NUGGC: variants seen among roughly 807,000 people sequenced by gnomAD.
NUGGC encodes the protein nuclear GTPase SLIP-GC.
Under a neutral mutation model 92.6 loss-of-function variants are expected in NUGGC, and 58 were observed. That is an observed-to-expected ratio of 0.63 (90% CI 0.51 to 0.78). The LOEUF (loss-of-function observed/expected upper bound fraction) is 0.78, where lower values mean the gene tolerates loss of function less well. Ranked by LOEUF, NUGGC falls within the 30% of genes least tolerant of loss-of-function variation. The pLI, the probability that NUGGC is intolerant of heterozygous loss-of-function variation, is 0.00. For synonymous variants in NUGGC, 376 were observed against 366.4 expected (o/e 1.03, Z -0.30); for missense variants, 925 against 964.6 (o/e 0.96, Z 0.54).
intron 18 of NUGGC, 40 bp from the exon 19 acceptor site, chr8:28,023,502 C>T (rs374865704): frequency 1.2e-4 from 187 of 1,582,894 alleles, no homozygotes; most frequent in African/African-American, 1.6e-4. Flanking sequence ...ACTTGGTGTC[C>T]GTTGCAGAAA....
chr8:28,043,082 T>C (rs1014591289), intron 12 of NUGGC, among the ~76,000 whole-genome samples: 1 of 152,224 alleles, frequency 6.6e-6, no homozygotes, highest in African/African-American at 2.4e-5. Context: ...CTTTAGATTC[T>C]TTTGAATTTG....
At chr8:28,061,351 C>T (rs116700625) in intron 7 of NUGGC, among the ~76,000 whole-genome samples, 1,933 of 152,262 alleles carry the variant, frequency 0.013, 46 homozygotes, top group African/African-American at 0.043. Context: ...TTTCACATGA[C>T]GATCATGTGT....
At chr8:28,081,813 G>T (rs2130301515) in intron 1 of NUGGC, among the ~76,000 whole-genome samples, 1 of 152,006 alleles carries the variant, frequency 6.6e-6, no homozygotes. Flanking sequence ...GGGAGGCGGA[G>T]GTTGCAGTGA....
rs752851999 is a variant in NUGGC, at chr8:28,067,575, A to C, written c.650T>G (p.Leu217Arg). The change falls in exon 6 of 19, where the codon CTG (leucine) becomes CGG (arginine). Residue 217 changes from leucine (L) to arginine (R), a missense_variant. By Grantham distance (102) the Leu-to-Arg change is moderately radical (BLOSUM62 -2). Transcript: ENST00000413272. ...GAESKNYEELLRAKPKRKIPT... is the reference protein window; with the variant it reads ...GAESKNYEELRRAKPKRKIPT... The stretch of plus-strand genomic sequence containing the variant: ...GATCTTCCTTTTGGGCTTCGCCCTC[A>C]GTAACTCCTCATAGTTCTTACTCTC... 5.6e-6 allele frequency: 9 copies of C among 1,613,478 alleles called. 1 individual carries two copies. In the South Asian group the frequency reaches 7.7e-5, roughly 14 times the overall value.
intron 17 of NUGGC, among the ~76,000 whole-genome samples, chr8:28,027,868 A>C (rs1466001510): frequency 6.6e-6 from 1 of 152,222 alleles, no homozygotes; most frequent in Admixed American, 6.5e-5. Flanking sequence ...GCAGCAAGCC[A>C]CATTATCGAT....
chr8:28,048,792 G>C (rs1809910303), intron 10 of NUGGC, among the ~76,000 whole-genome samples: 1 of 151,030 alleles, frequency 6.6e-6, no homozygotes, highest in Non-Finnish European at 1.5e-5. Flanking sequence ...GAACCCGGGA[G>C]GTAGAGGTTG....
Position 28,039,266 on chromosome 8 carries a change from T to C in NUGGC, c.1611+1785A>G, listed in dbSNP as rs1297986750. ...TTTTTTTTTTGAGATGGAGTCTCACTCTGTCACCTCAGCTGGACTGCAATG... is the reference window on the plus strand; with the variant it reads ...TTTTTTTTTTGAGATGGAGTCTCACCCTGTCACCTCAGCTGGACTGCAATG... On this transcript the variant is annotated intron_variant, in intron 13 of 18. Coordinates refer to ENST00000413272, the MANE Select transcript of NUGGC (RefSeq NM_001010906.2). Among the ~76,000 whole-genome samples the C allele has an allele frequency of 3.3e-5, 5 of 151,252 alleles. No individual in the cohort carries two copies. In the East Asian group the frequency reaches 9.7e-4, roughly 29 times the overall value.
chr8:28,070,201 T>C, intron 3 of NUGGC, 51 bp downstream of exon 3: 1 of 1,501,362 alleles, frequency 6.7e-7, no homozygotes, highest in Non-Finnish European at 8.9e-7. Flanking sequence ...CATTTTAACA[T>C]ACTTGGAACA....
At chr8:28,060,189 G>A (rs1810261646) in intron 8 of NUGGC, 1 of 644,056 alleles carries the variant, frequency 1.6e-6, no homozygotes, top group Non-Finnish European at 2.9e-6. Flanking sequence ...CCAGAGCTGT[G>A]TAGGGGACAC....
At chr8:28,055,369 T>C (rs1306004318) in intron 10 of NUGGC, among the ~76,000 whole-genome samples, 2 of 152,182 alleles carry the variant, frequency 1.3e-5, no homozygotes, top group East Asian at 3.8e-4. Context: ...CCGTGTCCCA[T>C]AGCACTCAAC....
chr8:28,048,087 C>A (rs970447172), intron 10 of NUGGC, among the ~76,000 whole-genome samples: 1 of 152,178 alleles, frequency 6.6e-6, no homozygotes, highest in Non-Finnish European at 1.5e-5. Context: ...CTGTTTCAGT[C>A]CTGAATCTCA....
Position 28,029,406 on chromosome 8 carries a change from G to T in NUGGC, c.2018-4C>A. ...TTGCCCGTGATCTGAGCTGCCTCTG[G>T]CAAAAATGATAGCCACAGTCACACC... On this transcript the variant is annotated splice_region_variant and splice_polypyrimidine_tract_variant and intron_variant, in intron 16 of 18. Transcript: ENST00000413272. 6.2e-7 allele frequency: 1 copy of T among 1,611,402 alleles called. No individual in the cohort carries two copies. Among genetic ancestry groups the T allele is most frequent in the Non-Finnish European group, 8.5e-7 (1 of 1,178,776 alleles).
chr8:28,029,824 A>G (rs1365812591), intron 16 of NUGGC, among the ~76,000 whole-genome samples: 9 of 152,084 alleles, frequency 5.9e-5, no homozygotes, highest in Non-Finnish European at 4.4e-5. Flanking sequence ...AACAACAACA[A>G]CAAATATATA....
chr8:28,023,553 TC>T, intron 18 of NUGGC, 91 bp from the exon 19 acceptor site: 1 of 1,288,778 alleles, frequency 7.8e-7, no homozygotes, highest in Non-Finnish European at 1.1e-6. Context: ...CTGTCACTTG[TC>T]CCAGAATATG....
chr8:28,065,412 A>G (rs7008490), intron 6 of NUGGC, among the ~76,000 whole-genome samples: 152,239 of 152,258 alleles, frequency 1, 76,110 homozygotes, highest in Non-Finnish European at 1. Context: ...CGCCCTCCTC[A>G]GCCTCCCAAA....
At chr8:28,062,670 G>A (rs1203520740) in intron 7 of NUGGC, among the ~76,000 whole-genome samples, 1 of 152,188 alleles carries the variant, frequency 6.6e-6, no homozygotes, top group Non-Finnish European at 1.5e-5. Context: ...TGTCAACAGT[G>A]GGCAGAGAAT....
Position 28,029,291 on chromosome 8 carries a change from A to G in NUGGC, c.2129T>C (p.Met710Thr). ...CTTCAGCTGCTGAAACTGGTGCTGC[A>G]TCCTTTCCTGGGCCCTTTCAAACAT... ...EGMFERAQER[M>T]QHQFQQLKTG... Residue 710 changes from methionine (M) to threonine (T), a missense_variant, in exon 17 of 19, where the codon ATG becomes ACG. Met to Thr is a moderately conservative substitution (Grantham distance 81, BLOSUM62 -1). Coordinates refer to ENST00000413272, the MANE Select transcript of NUGGC (RefSeq NM_001010906.2). 1.2e-6 allele frequency: 2 copies of G among 1,606,902 alleles called. No individual in the cohort carries two copies. Among genetic ancestry groups the G allele is most frequent in the Non-Finnish European group, 1.7e-6 (2 of 1,176,714 alleles).
intron 10 of NUGGC, among the ~76,000 whole-genome samples, chr8:28,049,492 A>G (rs574112403): frequency 6.6e-6 from 1 of 152,370 alleles, no homozygotes; most frequent in South Asian, 2.1e-4. Flanking sequence ...TAACTTTTCT[A>G]AAAATTACTG....
intron 13 of NUGGC, among the ~76,000 whole-genome samples, chr8:28,038,662 C>T (rs1809616724): frequency 2.0e-5 from 3 of 152,148 alleles, no homozygotes; most frequent in Admixed American, 2.0e-4. Flanking sequence ...TGAATGAATG[C>T]AGCAAAATTT....
Sources: gnomAD v4.1 joint callset for allele counts (sites outside exome capture counted in the v4.1 genomes callset) on GRCh38, gnomAD v4.1.1 for gene constraint, MANE v1.5 for transcripts, NCBI Gene and HGNC (gene_info 2026-07-23, HGNC 2026-07-21) for gene names.